MTCL2: variants seen among roughly 807,000 people sequenced by gnomAD.
MTCL2 encodes the protein microtubule crosslinking factor 2, also known as microtubule cross-linking factor 2.
the MTCL2 span, among the ~76,000 whole-genome samples, chr20:36,810,688 TCACC>T: frequency 3.7e-5 from 5 of 135,866 alleles, no homozygotes; most frequent in African/African-American, 1.3e-4. Flanking sequence ...CCTCCAACCT[TCACC>T]CACCCTCCCC....
the MTCL2 span, among the ~76,000 whole-genome samples, chr20:36,813,585 T>G: frequency 6.6e-6 from 1 of 150,398 alleles, no homozygotes; most frequent in East Asian, 2.0e-4. Flanking sequence ...AATACAAAAA[T>G]TAGCCAGGTG....
the MTCL2 span, among the ~76,000 whole-genome samples, chr20:36,800,871 A>C: frequency 6.6e-6 from 1 of 152,164 alleles, no homozygotes; most frequent in Non-Finnish European, 1.5e-5. Flanking sequence ...AGCTGGCAGG[A>C]GGGTACATGG....
the MTCL2 span, among the ~76,000 whole-genome samples, chr20:36,805,116 A>G: frequency 6.6e-6 from 1 of 152,186 alleles, no homozygotes. Flanking sequence ...TCTGACACCA[A>G]GAAAAAACCC....
chr20:36,817,191 TG>T, the MTCL2 span, among the ~76,000 whole-genome samples: 26 of 143,398 alleles, frequency 1.8e-4, no homozygotes, highest in East Asian at 4.9e-3. Context: ...TGCTTGAACC[TG>T]GGAGGTAGAG....
the MTCL2 span, among the ~76,000 whole-genome samples, chr20:36,861,015 C>A: frequency 1.2e-4 from 18 of 152,272 alleles, no homozygotes; most frequent in African/African-American, 4.3e-4. Context: ...CTGGGATGGA[C>A]AGGGGCCCAT....
chr20:36,854,508 G>A, the MTCL2 span, among the ~76,000 whole-genome samples: 1 of 152,132 alleles, frequency 6.6e-6, no homozygotes, highest in Non-Finnish European at 1.5e-5. Flanking sequence ...GGAAGAGCAA[G>A]AGCACGGGAC....
At chr20:36,801,857 G>A in the MTCL2 span, among the ~76,000 whole-genome samples, 9 of 151,520 alleles carry the variant, frequency 5.9e-5, no homozygotes, top group African/African-American at 1.9e-4. Context: ...CCAGCTACTC[G>A]GGAGGCTGAG....
the MTCL2 span, chr20:36,794,343 T>C: frequency 3.8e-6 from 6 of 1,592,318 alleles, no homozygotes; most frequent in Non-Finnish European, 5.1e-6. This position sits in a 1 kb window ranked among gnomAD's most constrained non-coding sequence, Gnocchi z 5.4. Flanking sequence ...ATGCCCGTCT[T>C]GTCAGGAGCC....
At chr20:36,798,765 T>A in the MTCL2 span, among the ~76,000 whole-genome samples, 1 of 152,228 alleles carries the variant, frequency 6.6e-6, no homozygotes, top group East Asian at 1.9e-4. Flanking sequence ...CCCTTCCCCA[T>A]CCTGACTCCA....
the MTCL2 span, chr20:36,797,496 A>G: frequency 6.4e-7 from 1 of 1,552,804 alleles, no homozygotes; most frequent in Non-Finnish European, 8.7e-7. Context: ...CAGCCGCCCC[A>G]CTCACCTCCT....
chr20:36,802,118 T>G, the MTCL2 span, among the ~76,000 whole-genome samples: 1 of 151,794 alleles, frequency 6.6e-6, no homozygotes, highest in Non-Finnish European at 1.5e-5. Flanking sequence ...AAACCCTATC[T>G]CTACTAAAAA....
At chr20:36,803,026 G>C in the MTCL2 span, 2 of 1,602,602 alleles carry the variant, frequency 1.2e-6, no homozygotes, top group East Asian at 2.3e-5. Flanking sequence ...AGGTGCTGCT[G>C]CTCCTCACGC....
At chr20:36,836,583 A>T in the MTCL2 span, among the ~76,000 whole-genome samples, 4 of 151,710 alleles carry the variant, frequency 2.6e-5, no homozygotes, top group African/African-American at 9.7e-5. Flanking sequence ...ACCTCAGGTG[A>T]TCCATCCGCC....
the MTCL2 span, among the ~76,000 whole-genome samples, chr20:36,810,706 TTCTCTCTCTCCCTCTCTCTC>T: frequency 9.3e-4 from 57 of 61,076 alleles, 1 homozygote; most frequent in African/African-American, 3.0e-3. Context: ...CCTCCCCTCC[TTCTCTCTCTCCCTCTCTCTC>T]TCTCTCTCTC....
At chr20:36,803,801 C>T in the MTCL2 span, among the ~76,000 whole-genome samples, 3 of 151,658 alleles carry the variant, frequency 2.0e-5, no homozygotes, top group Non-Finnish European at 2.9e-5. Flanking sequence ...ACTAAAAATA[C>T]AAAAATTAGC....
At chr20:36,815,923 C>T in the MTCL2 span, 4 of 1,612,310 alleles carry the variant, frequency 2.5e-6, no homozygotes, top group South Asian at 2.2e-5. The surrounding 1 kb of genome is among the most constrained non-coding windows in gnomAD (Gnocchi z 5.3). Context: ...GCCAAGCTCT[C>T]CCCGCACTCT....
the MTCL2 span, among the ~76,000 whole-genome samples, chr20:36,810,815 G>C: frequency 6.7e-6 from 1 of 148,276 alleles, no homozygotes; most frequent in African/African-American, 2.5e-5. Flanking sequence ...TGCCTCCCAG[G>C]TTCAAGCGAT....
chr20:36,841,493 G>C, the MTCL2 span, among the ~76,000 whole-genome samples: 7 of 152,018 alleles, frequency 4.6e-5, no homozygotes, highest in Non-Finnish European at 8.8e-5. Flanking sequence ...AGACAAGAAG[G>C]AACAGCCGAG....
chr20:36,833,442 C>G, the MTCL2 span, among the ~76,000 whole-genome samples: 1 of 152,250 alleles, frequency 6.6e-6, no homozygotes, highest in African/African-American at 2.4e-5. Context: ...GGGCCTGGCT[C>G]CTGCCAAGTG....
Sources: gnomAD v4.1 joint callset for allele counts (sites outside exome capture counted in the v4.1 genomes callset) on GRCh38, gnomAD v4.1.1 for gene constraint, Gnocchi (gnomAD v3.1) non-coding constraint, MANE v1.5 for transcripts, NCBI Gene and HGNC (gene_info 2026-07-23, HGNC 2026-07-21) for gene names.